The following ZNF98 variants were observed in gnomAD, a reference collection of about 807,000 sequenced individuals.
The protein encoded by ZNF98 is zinc finger protein 739.
In ZNF98, 8 loss-of-function variants were observed where a neutral mutation model predicts 12.8. That is an observed-to-expected ratio of 0.63 (90% confidence interval 0.37 to 1.13). ZNF98 has a LOEUF of 1.13. ZNF98 is among the 50% of genes most tolerant of loss of function. The pLI, the probability that ZNF98 is intolerant of heterozygous loss-of-function variation, is 0.01. For synonymous variants in ZNF98, 112 were observed against 223.5 expected, an observed-to-expected ratio of 0.50 and a Z score of 4.45; for missense variants, 379 against 666.1, an observed-to-expected ratio of 0.57 and a Z score of 4.74.
At chr19:22,411,065 T>G (rs983719728) in intron 1 of ZNF98, among the ~76,000 whole-genome samples, 2 of 152,210 alleles carry the variant, frequency 1.3e-5, no homozygotes, top group African/African-American at 4.8e-5. Context: ...TATTTACTTA[T>G]TGAGTCTCGC....
intron 3 of ZNF98, among the ~76,000 whole-genome samples, chr19:22,395,770 G>T (rs1302661853): frequency 2.0e-5 from 3 of 151,776 alleles, no homozygotes; most frequent in African/African-American, 7.3e-5. Context: ...CAAGGTAAAA[G>T]TAATGTGTCA....
At chr19:22,401,457 A>G (rs1352427211) in intron 3 of ZNF98, among the ~76,000 whole-genome samples, 1 of 151,944 alleles carries the variant, frequency 6.6e-6, no homozygotes, top group Non-Finnish European at 1.5e-5. Flanking sequence ...ATAAATTTAA[A>G]AACATTTCAT....
Position 22,422,317 on chromosome 19 carries a change from G to T in ZNF98, c.-93C>A. On this transcript the variant is annotated 5_prime_UTR_variant, in exon 1 of 4. The change creates a new upstream start codon in the 5' untranslated region. Transcript: ENST00000357774. ...ACACAGAAGGGCGAAGACGAGACCA[G>T]GAACTCCGGCTGCAGCGAGAGACAA... 1 of 1,511,240 alleles carries T rather than the reference G, an allele frequency of 6.6e-7. No individual in the cohort carries two copies. The highest frequency in any genetic ancestry group is 9.2e-7 in the Non-Finnish European group (1 of 1,091,528). The allele number at this position is 1,511,240 out of a possible 1,614,324, so 93.6% of individuals were successfully genotyped here. A position where few individuals can be genotyped will look rare whatever the true frequency, so the allele number is the denominator to read the frequency against.
chr19:22,406,991 A>T (rs1278563846), intron 1 of ZNF98, among the ~76,000 whole-genome samples: 2 of 152,112 alleles, frequency 1.3e-5, no homozygotes, highest in African/African-American at 4.8e-5. Flanking sequence ...ACTGAGCTAA[A>T]GGAGCATGTT....
Position 22,403,271 on chromosome 19 carries a change from CAA to C in ZNF98, c.157+113_157+114del, listed in dbSNP as rs372576912. 1.3e-4 allele frequency: 134 copies of C among 1,017,928 alleles called. 2 individuals are homozygous for C. In the African/African-American group the frequency reaches 1.5e-3, roughly 11 times the overall value. The allele number at this position is 1,017,928 out of a possible 1,614,324, so 63.1% of individuals were successfully genotyped here. A position where few individuals can be genotyped will look rare whatever the true frequency, so the allele number is the denominator to read the frequency against. On this transcript the variant is annotated intron_variant, in intron 2 of 3. Coordinates refer to ENST00000357774, the MANE Select transcript of ZNF98 (RefSeq NM_001098626.2). ...AAATCTTGAAGTTAAAAAAAAAAAA[CAA>C]AAAAAAAAAACAGAGATCTGAAAGC...
At position 22,396,311 on chromosome 19, in the gene ZNF98, CCAA is replaced by C. The variant is rs1169989978; in HGVS notation, c.254-3333_254-3331del. On this transcript the variant is annotated intron_variant, in intron 3 of 3. Coordinates refer to ENST00000357774, the MANE Select transcript of ZNF98 (RefSeq NM_001098626.2). ...TTATTCAACTGAGATTTATTTTATA[CCAA>C]ATTAAAACTATACTGTTGTTTCTTA... 3.7e-3 allele frequency among the ~76,000 whole-genome samples: 562 copies of C among 152,014 alleles called. 1 individual carries two copies. The highest frequency in any genetic ancestry group is 0.013 in the African/African-American group (538 of 41,498).
At position 22,422,310 on chromosome 19, in the gene ZNF98, G is replaced by C. The variant is rs535216802; in HGVS notation, c.-86C>G. On this transcript the variant is annotated 5_prime_UTR_variant, in exon 1 of 4. Coordinates refer to ENST00000357774, the MANE Select transcript of ZNF98 (RefSeq NM_001098626.2). ...GCAGAGGACACAGAAGGGCGAAGAC[G>C]AGACCAGGAACTCCGGCTGCAGCGA... 2 of 1,540,274 alleles carry C rather than the reference G, an allele frequency of 1.3e-6. No homozygotes were observed. The highest frequency in any genetic ancestry group is 1.8e-6 in the Non-Finnish European group (2 of 1,117,116).
At chr19:22,399,472 T>C (rs1969433339) in intron 3 of ZNF98, among the ~76,000 whole-genome samples, 1 of 152,166 alleles carries the variant, frequency 6.6e-6, no homozygotes, top group African/African-American at 2.4e-5. Context: ...AGAAAAAATA[T>C]ATCTATTTTG....
Position 22,396,314 on chromosome 19 carries a change from A to ATGTT in ZNF98, c.254-3334_254-3333insAACA, listed in dbSNP as rs1420507259. 3.7e-3 allele frequency among the ~76,000 whole-genome samples: 562 copies of ATGTT among 152,262 alleles called. 1 individual carries two copies. Among genetic ancestry groups the ATGTT allele is most frequent in the African/African-American group, 0.013 (538 of 41,586 alleles). On this transcript the variant is annotated intron_variant, in intron 3 of 3. Transcript: ENST00000357774. ...TTCAACTGAGATTTATTTTATACCA[A>ATGTT]ATTAAAACTATACTGTTGTTTCTTA...
chr19:22,415,379 A>T (rs554201890), intron 1 of ZNF98, among the ~76,000 whole-genome samples: 1 of 152,308 alleles, frequency 6.6e-6, no homozygotes, highest in East Asian at 1.9e-4. Flanking sequence ...AATACAAATT[A>T]TTCTATTATA....
intron 1 of ZNF98, among the ~76,000 whole-genome samples, chr19:22,409,913 CAAAAAAAAA>C (rs71180546): frequency 1.1e-5 from 1 of 89,428 alleles, no homozygotes; most frequent in Non-Finnish European, 2.2e-5. Flanking sequence ...CTCTATCTCA[CAAAAAAAAA>C]AAAAAAAAAA....
intron 1 of ZNF98, among the ~76,000 whole-genome samples, chr19:22,405,269 TAAAA>T (rs71180544): frequency 4.9e-5 from 6 of 123,592 alleles, no homozygotes; most frequent in Non-Finnish European, 4.9e-5. Context: ...CATGCTTAGC[TAAAA>T]AAAAAAAAAA....
At chr19:22,398,672 A>G (rs555483955) in intron 3 of ZNF98, among the ~76,000 whole-genome samples, 1 of 152,238 alleles carries the variant, frequency 6.6e-6, no homozygotes, top group South Asian at 2.1e-4. Context: ...GTACATTCAA[A>G]TAGATTTAAG....
intron 1 of ZNF98, among the ~76,000 whole-genome samples, chr19:22,417,825 G>A (rs907016494): frequency 1.3e-5 from 2 of 152,110 alleles, no homozygotes; most frequent in Non-Finnish European, 2.9e-5. Flanking sequence ...GTATGCTCGT[G>A]AGTGAGAGGG....
chr19:22,413,628 T>C (rs1969604343), intron 1 of ZNF98, among the ~76,000 whole-genome samples: 1 of 151,938 alleles, frequency 6.6e-6, no homozygotes. Flanking sequence ...CCCAGCACTT[T>C]GGGAGGCCGA....
At position 22,420,365 on chromosome 19, in the gene ZNF98, G is replaced by GT. The variant is rs949652026; in HGVS notation, c.30+1829dup. ...TTTTGTACTATCTCACTGAAGTCAG[G>GT]TTTTTTTTCTTTCTTTTGTCTTTTG... On this transcript the variant is annotated intron_variant, in intron 1 of 3. Coordinates refer to ENST00000357774, the MANE Select transcript of ZNF98 (RefSeq NM_001098626.2). 9.2e-5 allele frequency among the ~76,000 whole-genome samples: 14 copies of GT among 151,926 alleles called. No individual in the cohort carries two copies. The East Asian group carries it at 2.5e-3, about 27-fold the overall frequency.
Position 22,415,994 on chromosome 19 carries a change from CTT to C in ZNF98, c.30+6199_30+6200del, listed in dbSNP as rs1969638161. Among the ~76,000 whole-genome samples the C allele has an allele frequency of 2.2e-5, 3 of 137,568 alleles. No individual in the cohort carries two copies. The South Asian group carries it at 6.9e-4, about 32-fold the overall frequency. 90.2% of individuals were successfully genotyped at this position (137,568 alleles called of 152,430 possible). A position where few individuals can be genotyped will look rare whatever the true frequency, so the allele number is the denominator to read the frequency against. On this transcript the variant is annotated intron_variant, in intron 1 of 3. Coordinates refer to ENST00000357774, the MANE Select transcript of ZNF98 (RefSeq NM_001098626.2). ...ACACACACACACACACACACACACA[CTT>C]AGCTGGGCGTGGTGGCAGGTGCCTG...
rs1230725634 is a variant in ZNF98 at position 22,400,954 on chromosome 19, A to AAAAAC, written c.253+1830_253+1834dup. On this transcript the variant is annotated intron_variant, in intron 3 of 3. Coordinates refer to ENST00000357774, the MANE Select transcript of ZNF98 (RefSeq NM_001098626.2). ...AGCGACAGAGTGAGACACTGTCTCA[A>AAAAAC]AAAACAAAACAAAACAAAACAAAAA... is the stretch of plus-strand genomic sequence containing the variant. 1.5e-5 allele frequency among the ~76,000 whole-genome samples: 2 copies of AAAAAC among 134,524 alleles called. 1 individual carries two copies. The highest frequency in any genetic ancestry group is 4.3e-4 in the East Asian group (2 of 4,700). 88.3% of individuals were successfully genotyped at this position (134,524 alleles called of 152,430 possible).
intron 3 of ZNF98, among the ~76,000 whole-genome samples, chr19:22,400,311 T>C (rs1431870981): frequency 6.6e-6 from 1 of 152,170 alleles, no homozygotes; most frequent in Admixed American, 6.5e-5. Flanking sequence ...GTTCTGCCTA[T>C]GTAGAAACCC....
Sources: allele counts gnomAD v4.1 joint callset (sites outside exome capture counted in the v4.1 genomes callset), GRCh38; gene constraint gnomAD v4.1.1; transcripts MANE v1.5; gene names NCBI Gene and HGNC (gene_info 2026-07-23, HGNC 2026-07-21).